Variants in DMD observed in about 807,000 individuals in gnomAD.
DMD encodes the protein mutant dystrophin.
DMD carries 63 observed loss-of-function variants against 330.1 expected under a neutral mutation model. That is an observed-to-expected ratio of 0.19 (90% confidence interval 0.16 to 0.24). The LOEUF (loss-of-function observed/expected upper bound fraction) is 0.24, where lower values mean the gene tolerates loss of function less well. Ranked by LOEUF, DMD falls within the 10% of genes least tolerant of loss-of-function variation. The probability of loss-of-function intolerance (pLI) is 1.00; values close to 1 mark genes in which losing one functional copy is unlikely to be tolerated. For missense variants in DMD, 3,344 were observed against 2,684.1 expected, an observed-to-expected ratio of 1.25 and a Z score of -5.43; for synonymous variants, 1,223 against 959.8, an observed-to-expected ratio of 1.27 and a Z score of -5.07.
intron 1 of DMD, among the ~76,000 whole-genome samples, chrX:33,204,517 C>G (rs367868899): frequency 9.0e-6 from 1 of 110,968 alleles, no homozygotes; most frequent in Non-Finnish European, 1.9e-5. Context: ...GAAGACTGGT[C>G]TAACTCTCCC....
intron 49 of DMD, among the ~76,000 whole-genome samples, chrX:31,822,704 T>TG (rs2092800081): frequency 4.1e-5 from 1 of 24,477 alleles, no homozygotes; most frequent in Non-Finnish European, 7.7e-5. Context: ...GTGTGTGTAT[T>TG]TTTCTTGCCT....
chrX:31,162,361 A>AAAAAAT (rs1556015663), intron 74 of DMD, among the ~76,000 whole-genome samples: 1 of 83,491 alleles, frequency 1.2e-5, no homozygotes, highest in Non-Finnish European at 2.0e-5. Context: ...AAATCTAAAA[A>AAAAAAT]AAAAAAAAAA....
At chrX:33,215,264 G>T (rs774721956), upstream of DMD, among the ~76,000 whole-genome samples, 117 of 106,095 alleles carry the variant, frequency 1.1e-3, no homozygotes, top group Non-Finnish European at 1.9e-3. Context: ...GGTGAAGTTT[G>T]CAGTGAGCCG....
At chrX:33,165,828 A>C (rs1714490792) in intron 1 of DMD, among the ~76,000 whole-genome samples, 1 of 111,872 alleles carries the variant, frequency 8.9e-6, no homozygotes, top group Non-Finnish European at 1.9e-5. Flanking sequence ...TAATAATAGC[A>C]CAAAAAGAAA....
chrX:31,183,860 C>T (rs2041435814), intron 67 of DMD, among the ~76,000 whole-genome samples: 1 of 91,742 alleles, frequency 1.1e-5, no homozygotes, highest in Admixed American at 1.2e-4. Flanking sequence ...GAAAATACCT[C>T]CTTTTTTTAA....
intron 1 of DMD, among the ~76,000 whole-genome samples, chrX:33,254,340 A>G (rs991231060): frequency 1.9e-5 from 2 of 105,993 alleles, no homozygotes; most frequent in African/African-American, 7.7e-5. Flanking sequence ...AGACTTGAAA[A>G]AAGATATGAT....
At chrX:32,395,593 A>G (rs1223300258) in intron 30 of DMD, among the ~76,000 whole-genome samples, 3 of 110,631 alleles carry the variant, frequency 2.7e-5, no homozygotes, top group Non-Finnish European at 5.6e-5. Flanking sequence ...TTAAAAACAG[A>G]AAAACCCATG....
chrX:31,437,226 A>G (rs1483623352), intron 60 of DMD, among the ~76,000 whole-genome samples: 3 of 112,129 alleles, frequency 2.7e-5, no homozygotes, highest in South Asian at 3.7e-4. Context: ...TTGTAACACA[A>G]CTGCTTTACT....
intron 63 of DMD, among the ~76,000 whole-genome samples, chrX:31,229,175 A>G (rs1157290734): frequency 1.8e-5 from 2 of 112,410 alleles, no homozygotes; most frequent in East Asian, 5.6e-4. Flanking sequence ...AGTTTGCGTC[A>G]CATATCTACA....
intron 4 of DMD, among the ~76,000 whole-genome samples, chrX:32,832,149 A>C (rs2079205150): frequency 9.0e-6 from 1 of 111,442 alleles, no homozygotes; most frequent in South Asian, 3.8e-4. Context: ...AAGCATTTTT[A>C]AAATTAGCTA....
intron 29 of DMD, among the ~76,000 whole-genome samples, chrX:32,416,277 T>G (rs2147979459): frequency 8.9e-6 from 1 of 112,412 alleles, no homozygotes; most frequent in South Asian, 3.7e-4. Context: ...AAAGCAATTT[T>G]ACTGCATTTA....
At chrX:32,165,065 C>CATGGAGAACCTCGGCT (rs2096863253) in intron 44 of DMD, among the ~76,000 whole-genome samples, 1 of 112,423 alleles carries the variant, frequency 8.9e-6, no homozygotes, top group Non-Finnish European at 1.9e-5. Flanking sequence ...ATGAAGACCT[C>CATGGAGAACCTCGGCT]ATGGAGAACC....
At position 33,048,428 on chromosome X, in the gene DMD, A is replaced by T. The variant is rs765307083; in HGVS notation, c.32-28228T>A. The stretch of plus-strand genomic sequence containing the variant: ...AATTCGACTGGGAGCGGTGGCTCAC[A>T]CTTGTAATCCCAGCACTTTGGGAGG... On this transcript the variant is annotated intron_variant, in intron 1 of 78. Transcript: ENST00000357033. Among the ~76,000 whole-genome samples, 111 of 110,589 alleles carry T rather than the reference A, an allele frequency of 1.0e-3. 1 individual carries two copies. Among genetic ancestry groups the T allele is most frequent in the African/African-American group, 3.2e-3 (96 of 30,433 alleles).
chrX:33,158,127 A>G (rs1034662592), intron 1 of DMD, among the ~76,000 whole-genome samples: 1 of 112,235 alleles, frequency 8.9e-6, no homozygotes, highest in Non-Finnish European at 1.9e-5. Context: ...ATGGCCTCAC[A>G]TAATATTATT....
At chrX:31,766,505 G>A (rs1467252977) in intron 51 of DMD, among the ~76,000 whole-genome samples, 2 of 112,034 alleles carry the variant, frequency 1.8e-5, no homozygotes, top group Admixed American at 9.5e-5. Context: ...TGATACACCC[G>A]CCTCAGCCTC....
chrX:31,737,505 C>T (rs2086960622), intron 51 of DMD, among the ~76,000 whole-genome samples: 1 of 111,871 alleles, frequency 8.9e-6, no homozygotes, highest in Non-Finnish European at 1.9e-5. Context: ...GGGACAAGAC[C>T]TCTTGACAGG....
Position 31,206,603 on chromosome X carries a change from G to A in DMD, c.9628C>T (p.His3210Tyr), listed in dbSNP as rs752696730. 9.1e-6 allele frequency: 11 copies of A among 1,210,115 alleles called. No individual in the cohort carries two copies. The highest frequency in any genetic ancestry group is 1.2e-5 in the Non-Finnish European group (11 of 894,252). ...TTACATCTGTACTTGTCTTCCAAAT[G>A]TGCTTTACACAGGGAAATGATGCCA... is the stretch of plus-strand genomic sequence containing the variant. ...KTGIISLCKA[H>Y]LEDKYRYLFK... is the part of the protein sequence containing the mutation. Residue 3210 changes from histidine (H) to tyrosine (Y), a missense_variant, in exon 66 of 79, where the codon CAT becomes TAT. Transcript: ENST00000357033.
intron 1 of DMD, among the ~76,000 whole-genome samples, chrX:33,119,796 G>A (rs1337325210): frequency 1.8e-5 from 2 of 111,851 alleles, no homozygotes; most frequent in Non-Finnish European, 3.8e-5. Flanking sequence ...AGATGAGTTG[G>A]GGGATTATTG....
At chrX:31,183,704 A>T (rs2041412100) in intron 67 of DMD, among the ~76,000 whole-genome samples, 1 of 110,708 alleles carries the variant, frequency 9.0e-6, no homozygotes, top group Admixed American at 9.7e-5. Context: ...ATTATTAGAT[A>T]GATTGACCTA....
Sources: allele counts gnomAD v4.1 joint callset (sites outside exome capture counted in the v4.1 genomes callset), GRCh38; gene constraint gnomAD v4.1.1; transcripts MANE v1.5; gene names NCBI Gene and HGNC (gene_info 2026-07-23, HGNC 2026-07-21).